Variants in GPC6 observed in about 807,000 individuals in gnomAD.
GPC6 encodes glypican-6.
A neutral mutation model predicts 55.2 loss-of-function variants in GPC6; 14 were observed. The ratio of observed to expected loss-of-function variants is 0.25; its 90% confidence interval spans 0.17 to 0.40. GPC6 has a LOEUF of 0.40. Among genes scored for constraint, GPC6 ranks in the 10% least tolerant of loss-of-function variants. GPC6 has a pLI of 1.00. For missense variants in GPC6, 641 were observed against 708.5 expected (o/e 0.90, Z 1.08); for synonymous variants, 278 against 259.6 (o/e 1.07, Z -0.68).
At chr13:94,125,117 T>C (rs1033152173) in intron 4 of GPC6, among the ~76,000 whole-genome samples, 5 of 152,202 alleles carry the variant, frequency 3.3e-5, no homozygotes, top group Non-Finnish European at 5.9e-5. Flanking sequence ...GTGTCTCTGA[T>C]AAGTAAATTA....
intron 3 of GPC6, among the ~76,000 whole-genome samples, chr13:93,947,656 A>G (rs540188990): frequency 6.6e-6 from 1 of 152,272 alleles, no homozygotes; most frequent in Non-Finnish European, 1.5e-5. Context: ...ATACAATCAA[A>G]GACATATATG....
At chr13:93,542,917 A>AT (rs35248297) in intron 1 of GPC6, among the ~76,000 whole-genome samples, 2 of 152,106 alleles carry the variant, frequency 1.3e-5, no homozygotes, top group African/African-American at 4.8e-5. Flanking sequence ...GCTTAAGGAG[A>AT]TTTTGGGCTG....
At chr13:93,273,014 GA>G (rs992346078) in intron 1 of GPC6, among the ~76,000 whole-genome samples, 3 of 152,162 alleles carry the variant, frequency 2.0e-5, no homozygotes, top group Admixed American at 1.3e-4. Flanking sequence ...TTAAGGAAAA[GA>G]AGTTTTTTAC....
intron 1 of GPC6, among the ~76,000 whole-genome samples, chr13:93,233,312 A>G (rs1876123490): frequency 6.6e-6 from 1 of 151,254 alleles, no homozygotes; most frequent in African/African-American, 2.4e-5. Context: ...TGGATGAAAA[A>G]TATGTTTTAA....
At chr13:93,922,669 A>G (rs548328062) in intron 3 of GPC6, among the ~76,000 whole-genome samples, 1 of 152,210 alleles carries the variant, frequency 6.6e-6, no homozygotes, top group East Asian at 1.9e-4. Flanking sequence ...CTAAATTTAC[A>G]TAAAGATACA....
intron 6 of GPC6, among the ~76,000 whole-genome samples, chr13:94,324,971 C>T (rs1877037608): frequency 6.6e-6 from 1 of 152,126 alleles, no homozygotes; most frequent in South Asian, 2.1e-4. Context: ...ATGTTCTGTT[C>T]CCAGGGGCCT....
At chr13:93,268,417 T>C (rs1398225810) in intron 1 of GPC6, among the ~76,000 whole-genome samples, 1 of 152,192 alleles carries the variant, frequency 6.6e-6, no homozygotes, top group African/African-American at 2.4e-5. Flanking sequence ...ATATGAATAT[T>C]TGAGTACCCG....
At chr13:93,534,050 C>T (rs1240390775) in intron 1 of GPC6, among the ~76,000 whole-genome samples, 10 of 151,994 alleles carry the variant, frequency 6.6e-5, no homozygotes, top group Non-Finnish European at 1.5e-4. Context: ...CTCTGCTTGG[C>T]CTCGCATCTG....
chr13:94,007,684 A>G, intron 3 of GPC6, among the ~76,000 whole-genome samples: 1 of 152,164 alleles, frequency 6.6e-6, no homozygotes, highest in East Asian at 1.9e-4. Flanking sequence ...AGATTAAACC[A>G]TTATGACCCA....
At chr13:93,798,624 A>C (rs1886274556) in intron 2 of GPC6, among the ~76,000 whole-genome samples, 1 of 152,146 alleles carries the variant, frequency 6.6e-6, no homozygotes, top group Admixed American at 6.5e-5. Flanking sequence ...GTGCACCTAC[A>C]ATAGTGACAA....
intron 4 of GPC6, among the ~76,000 whole-genome samples, chr13:94,284,943 C>T (rs992312573): frequency 3.3e-5 from 5 of 150,824 alleles, no homozygotes; most frequent in Non-Finnish European, 5.9e-5. Flanking sequence ...TAAGGATGAT[C>T]CTGAAGTTTT....
intron 6 of GPC6, among the ~76,000 whole-genome samples, chr13:94,337,176 T>C (rs1283435911): frequency 6.6e-6 from 1 of 152,184 alleles, no homozygotes; most frequent in Admixed American, 6.5e-5. Context: ...CAGAACTCTT[T>C]GGAGAGAACT....
intron 1 of GPC6, among the ~76,000 whole-genome samples, chr13:93,431,869 C>T (rs1184759143): frequency 6.6e-6 from 1 of 152,126 alleles, no homozygotes; most frequent in Non-Finnish European, 1.5e-5. Context: ...GCTTCCCTTC[C>T]TGTAGATAAG....
chr13:94,266,033 C>T (rs9561526), intron 4 of GPC6, among the ~76,000 whole-genome samples: 4,521 of 152,220 alleles, frequency 0.03, 200 homozygotes, highest in East Asian at 0.2. Context: ...TGGATGTTTC[C>T]GCTAGGTGTC....
chr13:93,638,045 C>A (rs897883859), intron 2 of GPC6, among the ~76,000 whole-genome samples: 1 of 150,634 alleles, frequency 6.6e-6, no homozygotes, highest in Non-Finnish European at 1.5e-5. Flanking sequence ...GCTGAGCTTT[C>A]AAAAAAAAAT....
chr13:93,449,793 A>G (rs1300245837), intron 1 of GPC6, among the ~76,000 whole-genome samples: 1 of 150,988 alleles, frequency 6.6e-6, no homozygotes, highest in Non-Finnish European at 1.5e-5. Context: ...GTGCCACTGC[A>G]CTCCAGCCTG....
chr13:93,716,305 T>A (rs1392077125), intron 2 of GPC6, among the ~76,000 whole-genome samples: 1 of 151,590 alleles, frequency 6.6e-6, no homozygotes, highest in Non-Finnish European at 1.5e-5. Flanking sequence ...GGCAGGTCCT[T>A]CAGGAGGTCT....
intron 1 of GPC6, among the ~76,000 whole-genome samples, chr13:93,295,876 T>G (rs1185864613): frequency 6.6e-6 from 1 of 151,304 alleles, no homozygotes; most frequent in Non-Finnish European, 1.5e-5. Context: ...GGCCGGCTAA[T>G]TTTTTTTTGT....
chr13:94,252,551 C>T (rs542377710), intron 4 of GPC6, among the ~76,000 whole-genome samples: 30 of 151,958 alleles, frequency 2.0e-4, no homozygotes, highest in Non-Finnish European at 4.1e-4. Flanking sequence ...AAATTGATGG[C>T]GAAATAAGAC....
Sources: gnomAD v4.1 joint callset for allele counts (sites outside exome capture counted in the v4.1 genomes callset) on GRCh38, gnomAD v4.1.1 for gene constraint, MANE v1.5 for transcripts, NCBI Gene and HGNC (gene_info 2026-07-23, HGNC 2026-07-21) for gene names.